The following FIP1L1 variants were observed in gnomAD, a reference collection of about 807,000 sequenced individuals.
The protein encoded by FIP1L1 is factor interacting with PAPOLA and CPSF1.
Under a neutral mutation model 84.6 loss-of-function variants are expected in FIP1L1, and 21 were observed. The ratio of observed to expected loss-of-function variants is 0.25; its 90% CI spans 0.18 to 0.36. The LOEUF is 0.36. FIP1L1 is among the 10% of genes least tolerant of loss of function. The pLI, the probability that FIP1L1 is intolerant of heterozygous loss-of-function variation, is 1.00. For synonymous variants in FIP1L1, 263 were observed against 242.3 expected (o/e 1.09, Z -0.80); for missense variants, 526 against 751.1 (o/e 0.70, Z 3.50).
chr4:53,417,668 A>T (rs1195035691), intron 11 of FIP1L1, among the ~76,000 whole-genome samples: 1 of 144,060 alleles, frequency 6.9e-6, no homozygotes, highest in Non-Finnish European at 1.5e-5. Context: ...AAAAAAAAAG[A>T]AAAGAAAATT....
intron 15 of FIP1L1, among the ~76,000 whole-genome samples, chr4:53,446,837 G>A (rs1179055623): frequency 6.6e-6 from 1 of 151,960 alleles, no homozygotes; most frequent in Non-Finnish European, 1.5e-5. Context: ...TGCTAACTTG[G>A]TATTTAACTT....
chr4:53,403,590 G>A (rs1468141724), intron 10 of FIP1L1, among the ~76,000 whole-genome samples: 2 of 152,212 alleles, frequency 1.3e-5, no homozygotes, highest in South Asian at 2.1e-4. Flanking sequence ...GATTGTGGAA[G>A]TGTTTTCCCT....
intron 16 of FIP1L1, among the ~76,000 whole-genome samples, chr4:53,453,720 C>T (rs750820351): frequency 6.6e-6 from 1 of 152,182 alleles, no homozygotes; most frequent in Non-Finnish European, 1.5e-5. Flanking sequence ...CTGGCCTAGC[C>T]TCTCAAGTAG....
chr4:53,406,547 T>G (rs1481978890), intron 10 of FIP1L1, among the ~76,000 whole-genome samples: 1 of 152,222 alleles, frequency 6.6e-6, no homozygotes. Flanking sequence ...GAGGATTCCC[T>G]CTTTTTCTAT....
intron 11 of FIP1L1, among the ~76,000 whole-genome samples, chr4:53,420,736 A>G (rs17082741): frequency 0.095 from 14,533 of 152,238 alleles, 1,224 homozygotes; most frequent in South Asian, 0.28. Context: ...AAACAGTACC[A>G]TTTCAGACCA....
chr4:53,442,712 A>G lies in FIP1L1; in HGVS notation c.1229+5A>G. 6.4e-7 allele frequency: 1 copy of G among 1,566,574 alleles called. No individual in the cohort carries two copies. Among genetic ancestry groups the G allele is most frequent in the Non-Finnish European group, 8.8e-7 (1 of 1,137,836 alleles). The stretch of plus-strand genomic sequence containing the variant: ...TCTTATACCAACAATAGAAAGGTAA[A>G]TCAGTATGGATACTGATTTTTGATC... On this transcript the variant is annotated splice_donor_5th_base_variant and intron_variant, in intron 14 of 17. Coordinates refer to ENST00000337488, the MANE Select transcript of FIP1L1 (RefSeq NM_030917.4).
At chr4:53,439,257 A>G (rs146925142) in intron 13 of FIP1L1, among the ~76,000 whole-genome samples, 1 of 152,242 alleles carries the variant, frequency 6.6e-6, no homozygotes, top group Admixed American at 6.5e-5. Flanking sequence ...AGGATGGATG[A>G]GAATTGCCAT....
In FIP1L1 at chr4:53,459,438, C is replaced by A; in HGVS notation, c.1774C>A (p.Pro592Thr). Residue 592 changes from proline to threonine, a missense_variant, in exon 18 of 18, where the codon CCT (proline) becomes ACT (threonine). By Grantham distance (38) the Pro-to-Thr change is conservative. Coordinates refer to ENST00000337488, the MANE Select transcript of FIP1L1 (RefSeq NM_030917.4). The stretch of plus-strand genomic sequence containing the variant: ...TGAACAGGAGAGCACCGAAGCTACA[C>A]CTGCAGAATAGGCATGGTTTTGGCC... ...APEQESTEATPAE is the reference protein window; with the variant it reads ...APEQESTEATTAE 6.2e-7 allele frequency: 1 copy of A among 1,613,558 alleles called. No individual in the cohort carries two copies. The highest frequency in any genetic ancestry group is 8.5e-7 in the Non-Finnish European group (1 of 1,179,630).
At chr4:53,430,485 G>T (rs1188078664) in intron 13 of FIP1L1, among the ~76,000 whole-genome samples, 1 of 151,212 alleles carries the variant, frequency 6.6e-6, no homozygotes, top group East Asian at 1.9e-4. Flanking sequence ...GGTACTACAG[G>T]CGTGTGCCAC....
At chr4:53,403,512 T>C (rs1751362033) in intron 10 of FIP1L1, among the ~76,000 whole-genome samples, 1 of 152,234 alleles carries the variant, frequency 6.6e-6, no homozygotes, top group African/African-American at 2.4e-5. Flanking sequence ...AGTTTCTTTA[T>C]TCCTGTAGTG....
At chr4:53,442,379 T>G (rs1579033487) in intron 13 of FIP1L1, 2 of 319,944 alleles carry the variant, frequency 6.3e-6, no homozygotes, top group East Asian at 1.1e-4. Flanking sequence ...TTTCTCATAC[T>G]TACAAAATGG....
At chr4:53,380,177 GTGAAT>G (rs10608171) in intron 3 of FIP1L1, among the ~76,000 whole-genome samples, 83,824 of 151,452 alleles carry the variant, frequency 0.55, 24,977 homozygotes, top group Non-Finnish European at 0.67. Context: ...AAACTTGTAC[GTGAAT>G]ATTCATAGCA....
intron 1 of FIP1L1, 132 bp from the exon 2 acceptor site, chr4:53,378,941 A>G (rs1736264632): frequency 1.1e-6 from 1 of 871,478 alleles, no homozygotes; most frequent in African/African-American, 1.7e-5. Flanking sequence ...TTCTTTTACA[A>G]AGATCTGGAA....
chr4:53,408,775 A>T (rs915709195), intron 10 of FIP1L1, among the ~76,000 whole-genome samples: 12 of 152,212 alleles, frequency 7.9e-5, no homozygotes, highest in African/African-American at 2.9e-4. Flanking sequence ...CCTTTCTTTC[A>T]GTTGATCACC....
Position 53,453,101 on chromosome 4 carries a change from T to A in FIP1L1, c.1467T>A (p.Arg489=). 1 of 1,613,942 alleles carries A rather than the reference T, an allele frequency of 6.2e-7. No individual in the cohort carries two copies. Among genetic ancestry groups the A allele is most frequent in the Non-Finnish European group, 8.5e-7 (1 of 1,179,900 alleles). Residue 489 remains arginine (R), a synonymous_variant, in exon 16 of 18, where the codon CGT becomes CGA. Coordinates refer to ENST00000337488, the MANE Select transcript of FIP1L1 (RefSeq NM_030917.4). ...RERTRERERE[R]DHSPTPSVFN... is the part of the protein sequence containing the mutation. ...GCACCAGAGAGAGAGAGAGGGAGCG[T>A]GATCACAGTCCTACACCAAGTGTTT... is the stretch of plus-strand genomic sequence containing the variant.
At chr4:53,410,857 A>G (rs532046363) in intron 10 of FIP1L1, among the ~76,000 whole-genome samples, 27 of 152,302 alleles carry the variant, frequency 1.8e-4, no homozygotes, top group Admixed American at 3.9e-4. Context: ...GTATATATAG[A>G]AAAAATCATT....
rs562201045 is a variant in FIP1L1, at chr4:53,419,354, T to C, written c.923+4632T>C. Reference sequence around the variant, plus strand: ...AAGGGAAGGGGTTTGAAGTTGGTTATGCTAAGCCTGAATCCTAGTGCTGCC... The same window carrying C: ...AAGGGAAGGGGTTTGAAGTTGGTTACGCTAAGCCTGAATCCTAGTGCTGCC... On this transcript the variant is annotated intron_variant, in intron 11 of 17. Transcript: ENST00000337488. Among the ~76,000 whole-genome samples, 4 of 152,342 alleles carry C rather than the reference T, an allele frequency of 2.6e-5. No individual in the cohort carries two copies. The South Asian group carries it at 8.3e-4, about 32-fold the overall frequency.
intron 10 of FIP1L1, among the ~76,000 whole-genome samples, chr4:53,401,296 T>G (rs1312795545): frequency 2.0e-5 from 3 of 152,244 alleles, no homozygotes; most frequent in Admixed American, 2.0e-4. Context: ...CCAGATTATG[T>G]AAGGGCTGTG....
Position 53,460,723 on chromosome 4 carries a change from G to GTT in FIP1L1, c.*1277_*1278dup, listed in dbSNP as rs1194083431. On this transcript the variant is annotated 3_prime_UTR_variant, in exon 18 of 18. Coordinates refer to ENST00000337488, the MANE Select transcript of FIP1L1 (RefSeq NM_030917.4). ...CCTCCACACTGAAAAAAAACTAGTA[G>GTT]TTTTAATTTTTTTGGAATCATATTT... The GTT allele has an allele frequency of 5.2e-6, 3 of 572,774 alleles. No homozygotes were observed. The highest frequency in any genetic ancestry group is 8.8e-6 in the Non-Finnish European group (3 of 340,726). The allele number at this position is 572,774 out of a possible 1,614,324, so 35.5% of individuals were successfully genotyped here.
Sources: allele counts gnomAD v4.1 joint callset (sites outside exome capture counted in the v4.1 genomes callset), GRCh38; gene constraint gnomAD v4.1.1; transcripts MANE v1.5; gene names NCBI Gene and HGNC (gene_info 2026-07-23, HGNC 2026-07-21).